Variants in DENND2B observed in about 807,000 individuals in gnomAD.
DENND2B encodes the protein DENN domain containing 2B, also known as DENN domain-containing protein 2B.
DENND2B carries 32 observed loss-of-function variants against 116.0 expected under a neutral mutation model. That is an observed-to-expected ratio of 0.28 (90% CI 0.21 to 0.37). The LOEUF (loss-of-function observed/expected upper bound fraction) is 0.37. Among genes scored for constraint, DENND2B ranks in the 10% least tolerant of loss-of-function variants. DENND2B has a pLI of 1.00. For missense variants in DENND2B, 1,276 were observed against 1,477.7 expected (o/e 0.86, Z 2.24); for synonymous variants, 588 against 583.9 (o/e 1.01, Z -0.10).
chr11:8,714,921 G>C (rs554026806), intron 6 of DENND2B, among the ~76,000 whole-genome samples: 75 of 152,254 alleles, frequency 4.9e-4, no homozygotes, highest in South Asian at 1.9e-3. Flanking sequence ...CCCAGGAGTG[G>C]TCTCCTGCCC....
chr11:8,770,514 C>T (rs1395071649), intron 1 of DENND2B, among the ~76,000 whole-genome samples: 2 of 152,106 alleles, frequency 1.3e-5, no homozygotes, highest in African/African-American at 4.8e-5. Flanking sequence ...TCATTATTAA[C>T]AGTATAATCA....
At chr11:8,811,298 T>C (rs185165964), upstream of DENND2B, 11 of 398,616 alleles carry the variant, frequency 2.8e-5, no homozygotes, top group East Asian at 2.1e-4. Context: ...CAGGGACTCA[T>C]GGTACTAGTG....
At chr11:8,885,461 T>C (rs1427661010) in intron 1 of DENND2B, among the ~76,000 whole-genome samples, 3 of 151,264 alleles carry the variant, frequency 2.0e-5, no homozygotes, top group African/African-American at 7.3e-5. Flanking sequence ...ATTGTTATTA[T>C]ATCTTTCCAC....
chr11:8,715,354 G>A (rs2044543851), intron 6 of DENND2B: 1 of 525,834 alleles, frequency 1.9e-6, no homozygotes, highest in African/African-American at 1.9e-5. Flanking sequence ...ACTTACTAAT[G>A]GGGAACCTCG....
At chr11:8,895,831 C>T (rs1367170504) in intron 1 of DENND2B, among the ~76,000 whole-genome samples, 1 of 151,760 alleles carries the variant, frequency 6.6e-6, no homozygotes, top group Non-Finnish European at 1.5e-5. Context: ...GCTATGTTGA[C>T]CAGGCTGGTC....
chr11:8,750,586 T>C (rs1396809813), intron 2 of DENND2B, 35 bp downstream of exon 2: 6 of 1,590,810 alleles, frequency 3.8e-6, no homozygotes, highest in Admixed American at 3.3e-5. Flanking sequence ...CCTAGGTCCC[T>C]TGATGCCACC....
intron 16 of DENND2B, chr11:8,697,917 C>T: frequency 2.0e-6 from 1 of 510,208 alleles, no homozygotes; most frequent in Non-Finnish European, 3.7e-6. Flanking sequence ...CGCTTGAGCC[C>T]AGGAGGGAGT....
chr11:8,785,234 A>G (rs907873218), intron 1 of DENND2B: 2 of 152,120 alleles, frequency 1.3e-5, no homozygotes, highest in African/African-American at 4.8e-5. Flanking sequence ...CAGGCCCCAA[A>G]TCCTGAATTT....
intron 1 of DENND2B, among the ~76,000 whole-genome samples, chr11:8,888,793 A>G (rs1470551257): frequency 6.6e-6 from 1 of 152,218 alleles, no homozygotes; most frequent in Non-Finnish European, 1.5e-5. Context: ...AGATACAAAA[A>G]CAGCCAATAA....
At chr11:8,694,212 C>T in intron 19 of DENND2B, 82 bp from the exon 20 acceptor site, 1 of 1,517,018 alleles carries the variant, frequency 6.6e-7, no homozygotes, top group Non-Finnish European at 9.1e-7. Context: ...TAGCCCTAAC[C>T]CTGTCAGTGG....
At chr11:8,859,432 C>G (rs1380645981) in intron 2 of DENND2B, among the ~76,000 whole-genome samples, 1 of 151,866 alleles carries the variant, frequency 6.6e-6, no homozygotes, top group South Asian at 2.1e-4. Context: ...CTCAGCCTCC[C>G]GAGTAGCTGG....
intron 1 of DENND2B, among the ~76,000 whole-genome samples, chr11:8,783,376 C>G (rs887381225): frequency 6.6e-6 from 1 of 152,124 alleles, no homozygotes. Flanking sequence ...AACAATTCAT[C>G]CATACAATGT....
intron 1 of DENND2B, among the ~76,000 whole-genome samples, chr11:8,795,528 C>G (rs763261326): frequency 6.6e-6 from 1 of 152,190 alleles, no homozygotes; most frequent in Non-Finnish European, 1.5e-5. Context: ...AACCACTGCT[C>G]TACGGGCTCT....
At chr11:8,708,265 C>A in intron 11 of DENND2B, 4 of 985,456 alleles carry the variant, frequency 4.1e-6, no homozygotes, top group Non-Finnish European at 3.6e-6. Context: ...GCTTTTTAGC[C>A]CCATAGGGCA....
At chr11:8,745,507 A>G (rs1469461857) in intron 2 of DENND2B, among the ~76,000 whole-genome samples, 1 of 152,190 alleles carries the variant, frequency 6.6e-6, no homozygotes, top group Admixed American at 6.5e-5. Context: ...GGCAGACTGT[A>G]TTTTCCAAAG....
chr11:8,876,229 C>T (rs544942827), upstream of DENND2B, among the ~76,000 whole-genome samples: 6 of 151,788 alleles, frequency 4.0e-5, no homozygotes, highest in Admixed American at 6.6e-5. Flanking sequence ...CTATATTATA[C>T]TAAAGTACAT....
At chr11:8,763,880 A>G (rs941087076) in intron 1 of DENND2B, among the ~76,000 whole-genome samples, 13 of 152,158 alleles carry the variant, frequency 8.5e-5, no homozygotes, top group Non-Finnish European at 1.6e-4. Flanking sequence ...AGCAGGATAC[A>G]GAGCTCAGCA....
rs1174906714 is a variant in DENND2B, at chr11:8,717,872, G to T, written c.1498C>A (p.Pro500Thr). ...CTCTTTAAGTCCACATCCTCATATG[G>T]ATTCTCCTTGGGCAGATCTCCTGCA... ...DIVGDLPKENPYEDVDLKSRR... is the reference protein window; with the variant it reads ...DIVGDLPKENTYEDVDLKSRR... Residue 500 changes from proline (P) to threonine (T), a missense_variant, in exon 5 of 20, where the codon CCA becomes ACA. By Grantham distance (38) the Pro-to-Thr change is conservative. Around this residue, in one of 2 missense-constraint regions of DENND2B, gnomAD observed 856 missense variants for 846.6 expected, o/e 1.01. Coordinates refer to ENST00000313726, the MANE Select transcript of DENND2B (RefSeq NM_213618.2). 3.7e-6 allele frequency: 6 copies of T among 1,611,866 alleles called. No individual in the cohort carries two copies. The highest frequency in any genetic ancestry group is 5.1e-6 in the Non-Finnish European group (6 of 1,179,088).
At chr11:8,812,403 A>G (rs1337417343), upstream of DENND2B, among the ~76,000 whole-genome samples, 1 of 152,198 alleles carries the variant, frequency 6.6e-6, no homozygotes, top group African/African-American at 2.4e-5. Context: ...GCACTTTTCT[A>G]AACGACTCTC....
Sources: allele counts gnomAD v4.1 joint callset (sites outside exome capture counted in the v4.1 genomes callset), GRCh38; gene constraint gnomAD v4.1.1; regional missense constraint gnomAD v4.1.1; transcripts MANE v1.5; gene names NCBI Gene and HGNC (gene_info 2026-07-23, HGNC 2026-07-21).